The following USP45 variants were observed in gnomAD, a reference collection of about 807,000 sequenced individuals.
The protein encoded by USP45 is ubiquitin carboxyl-terminal hydrolase 45.
Under a neutral mutation model 95.8 loss-of-function variants are expected in USP45, and 89 were observed. That is an observed-to-expected ratio of 0.93 (90% CI 0.78 to 1.11). The LOEUF is 1.11. Among genes scored for constraint, USP45 ranks in the 50% least tolerant of loss-of-function variants. The pLI is 0.00. For synonymous variants in USP45, 281 were observed against 316.2 expected (o/e 0.89, Z 1.18); for missense variants, 898 against 942.5 (o/e 0.95, Z 0.62).
upstream of USP45, among the ~76,000 whole-genome samples, chr6:99,515,651 T>C (rs890767715): frequency 2.0e-5 from 3 of 152,230 alleles, no homozygotes; most frequent in South Asian, 6.2e-4. Flanking sequence ...AGCAATTTGT[T>C]AGGATCCTGG....
rs184795527 is a variant in USP45, at chr6:99,445,561, T to C, written c.1975+236A>G. Among the ~76,000 whole-genome samples the C allele has an allele frequency of 4.0e-4, 61 of 152,152 alleles. 1 individual carries two copies. The highest frequency in any genetic ancestry group is 4.0e-3 in the Admixed American group (61 of 15,268). ...GGTAGTTCCCTCAAATAAGATTATA[T>C]GGGTTTGCATTTTCAAGGCAGAGTT... On this transcript the variant is annotated intron_variant, in intron 14 of 17. Coordinates refer to ENST00000500704, the MANE Select transcript of USP45 (RefSeq NM_001346022.3).
intron 1 of USP45, among the ~76,000 whole-genome samples, chr6:99,512,470 G>C (rs1800100805): frequency 6.6e-6 from 1 of 152,134 alleles, no homozygotes; most frequent in South Asian, 2.1e-4. Flanking sequence ...AAAGATTTTA[G>C]ATACAAGCTA....
intron 9 of USP45, among the ~76,000 whole-genome samples, chr6:99,472,221 A>T (rs1789587604): frequency 1.4e-5 from 2 of 143,916 alleles, no homozygotes; most frequent in Non-Finnish European, 1.5e-5. Context: ...TCACTTACTA[A>T]TTTTTTTTTT....
chr6:99,449,833 T>C (rs1562317018), intron 13 of USP45, among the ~76,000 whole-genome samples: 1 of 152,196 alleles, frequency 6.6e-6, no homozygotes, highest in Admixed American at 6.5e-5. Flanking sequence ...AAATTGTCTC[T>C]CAGACCACAG....
chr6:99,438,651 TA>T (rs1780963223), intron 16 of USP45, among the ~76,000 whole-genome samples: 2 of 152,208 alleles, frequency 1.3e-5, no homozygotes, highest in African/African-American at 4.8e-5. Context: ...CACTAGGTGA[TA>T]TGACAGAATT....
intron 3 of USP45, among the ~76,000 whole-genome samples, chr6:99,507,787 C>A (rs1322103777): frequency 6.6e-6 from 1 of 152,220 alleles, no homozygotes; most frequent in African/African-American, 2.4e-5. Context: ...AATGTGCACA[C>A]TGTGGAACAC....
chr6:99,507,630 T>C, intron 3 of USP45, 99 bp from the exon 4 acceptor site: 1 of 789,114 alleles, frequency 1.3e-6, no homozygotes, highest in Non-Finnish European at 2.0e-6. Flanking sequence ...AAAAGTTTTG[T>C]TTTTAATTTC....
At chr6:99,473,385 C>CGA (rs35388909) in intron 9 of USP45, among the ~76,000 whole-genome samples, 22 of 142,732 alleles carry the variant, frequency 1.5e-4, no homozygotes, top group African/African-American at 3.6e-4. Flanking sequence ...ACTAAAAATA[C>CGA]AAAAAAAAAA....
At chr6:99,501,763 G>T in intron 5 of USP45, 1 of 363,362 alleles carries the variant, frequency 2.8e-6, no homozygotes, top group Non-Finnish European at 4.4e-6. Context: ...TATTTGTTAG[G>T]TAACAAAGTA....
In USP45 at chr6:99,461,879, G is replaced by C. The variant is rs1299708465; in HGVS notation, c.1308+2725C>G. 3.0e-6 allele frequency: 3 copies of C among 984,264 alleles called. No individual in the cohort carries two copies. The South Asian group carries it at 1.4e-4, about 46-fold the overall frequency. 61.0% of individuals were successfully genotyped at this position (984,264 alleles called of 1,614,324 possible). Reference sequence around the variant, plus strand: ...CTAATCAGCAAAACAAGACTTTATTGATCTTTATAAAACTAGTACTGAAAG... The same window carrying C: ...CTAATCAGCAAAACAAGACTTTATTCATCTTTATAAAACTAGTACTGAAAG... On this transcript the variant is annotated intron_variant, in intron 13 of 17. Transcript: ENST00000500704.
At chr6:99,435,939 A>G (rs1780383151) in intron 17 of USP45, 93 bp from the exon 18 acceptor site, 1 of 1,269,148 alleles carries the variant, frequency 7.9e-7, no homozygotes, top group South Asian at 1.9e-5. Context: ...TACAAACTCT[A>G]TCTAATGCCA....
intron 13 of USP45, among the ~76,000 whole-genome samples, chr6:99,459,121 T>G (rs531172651): frequency 1.3e-5 from 2 of 152,166 alleles, no homozygotes; most frequent in Non-Finnish European, 2.9e-5. Flanking sequence ...TTATTTTTTC[T>G]GATCCTCTCC....
chr6:99,483,376 A>G (rs1028186555), intron 7 of USP45, among the ~76,000 whole-genome samples: 5 of 152,184 alleles, frequency 3.3e-5, no homozygotes, highest in African/African-American at 1.2e-4. Flanking sequence ...GAGAGACATA[A>G]AGCTTGACAA....
intron 13 of USP45, among the ~76,000 whole-genome samples, chr6:99,447,005 A>G (rs913360700): frequency 4.3e-4 from 66 of 152,206 alleles, no homozygotes; most frequent in Admixed American, 2.2e-3. Flanking sequence ...TGGCTTCCCA[A>G]AGGAGACTTT....
intron 13 of USP45, among the ~76,000 whole-genome samples, chr6:99,457,105 T>G (rs1279114542): frequency 6.6e-6 from 1 of 152,172 alleles, no homozygotes; most frequent in Non-Finnish European, 1.5e-5. Context: ...GACCGGGTGC[T>G]CTCAAAACCC....
intron 5 of USP45, among the ~76,000 whole-genome samples, chr6:99,494,635 C>T (rs1795911064): frequency 6.6e-6 from 1 of 152,138 alleles, no homozygotes; most frequent in Admixed American, 6.6e-5. Context: ...TGGCTCATGC[C>T]TGTAATCCCA....
intron 15 of USP45, 31 bp downstream of exon 15, chr6:99,443,534 T>C: frequency 6.7e-7 from 1 of 1,484,102 alleles, no homozygotes; most frequent in African/African-American, 1.4e-5. Flanking sequence ...AAACACATGA[T>C]GAAAATTATG....
At chr6:99,511,448 C>T (rs1398282343) in intron 1 of USP45, among the ~76,000 whole-genome samples, 3 of 151,970 alleles carry the variant, frequency 2.0e-5, no homozygotes, top group East Asian at 1.9e-4. Flanking sequence ...CCACCGTGCC[C>T]GGCTATTATT....
chr6:99,498,500 G>A (rs1276428678), intron 5 of USP45, among the ~76,000 whole-genome samples: 1 of 152,186 alleles, frequency 6.6e-6, no homozygotes, highest in African/African-American at 2.4e-5. Context: ...CACAGACACT[G>A]AGTGCCAAAA....
Sources: allele counts gnomAD v4.1 joint callset (sites outside exome capture counted in the v4.1 genomes callset), GRCh38; gene constraint gnomAD v4.1.1; transcripts MANE v1.5; gene names NCBI Gene and HGNC (gene_info 2026-07-23, HGNC 2026-07-21).